The following PCDH15 variants were observed in gnomAD, a reference collection of about 807,000 sequenced individuals.
PCDH15 encodes protocadherin-15.
PCDH15 carries 129 observed loss-of-function variants against 178.5 expected under a neutral mutation model. The observed-to-expected ratio is 0.72, with a 90% CI of 0.63 to 0.84. The LOEUF is 0.84. Ranked by LOEUF, PCDH15 falls within the 40% of genes least tolerant of loss-of-function variation. PCDH15 has a pLI of 0.00. For synonymous variants in PCDH15, 800 were observed against 732.0 expected (o/e 1.09, Z -1.50); for missense variants, 2,230 against 2,099.9 (o/e 1.06, Z -1.21).
At chr10:54,091,015 G>A (rs200349841) in intron 15 of PCDH15, among the ~76,000 whole-genome samples, 62 of 152,146 alleles carry the variant, frequency 4.1e-4, no homozygotes, top group East Asian at 2.7e-3. Context: ...CACCCAAGTC[G>A]GAGAAGAAAA....
chr10:55,622,923 A>T lies in PCDH15; in HGVS notation c.-156+4702T>A, dbSNP rs1446545729. Among the ~76,000 whole-genome samples, 3 of 152,160 alleles carry T rather than the reference A, an allele frequency of 2.0e-5. No homozygotes were observed. In the East Asian group the frequency reaches 5.8e-4, roughly 29 times the overall value. ...GCTGTCTTCTAGTCTAATCCCACTC[A>T]TAAAACTGAGCAAATGGCATACCAA... On this transcript the variant is annotated intron_variant, in intron 2 of 5. Transcript: ENST00000613346.
At chr10:54,798,449 T>C (rs1245464120) in intron 1 of PCDH15, among the ~76,000 whole-genome samples, 1 of 152,120 alleles carries the variant, frequency 6.6e-6, no homozygotes, top group African/African-American at 2.4e-5. Context: ...ATGCCATCCC[T>C]GACAAGTAAA....
intron 2 of PCDH15, among the ~76,000 whole-genome samples, chr10:55,499,910 A>G (rs1840618165): frequency 6.6e-6 from 1 of 151,722 alleles, no homozygotes. Flanking sequence ...TACTTAATGC[A>G]TCGAAATAAT....
At chr10:54,577,695 C>T (rs2090630164) in intron 2 of PCDH15, among the ~76,000 whole-genome samples, 1 of 152,024 alleles carries the variant, frequency 6.6e-6, no homozygotes, top group Admixed American at 6.6e-5. Flanking sequence ...TTACAGGAGT[C>T]AGGAAACAGG....
At chr10:53,941,041 C>T in intron 23 of PCDH15, 66 bp from the exon 24 acceptor site, 1 of 1,141,580 alleles carries the variant, frequency 8.8e-7, no homozygotes, top group Non-Finnish European at 1.3e-6. Flanking sequence ...TTTACGTTCA[C>T]AGAAAAATTG....
At position 53,845,144 on chromosome 10, in the gene PCDH15, C is replaced by T. The variant is rs1001886058; in HGVS notation, c.3807-4648G>A. Among the ~76,000 whole-genome samples, 7 of 151,592 alleles carry T rather than the reference C, an allele frequency of 4.6e-5. No individual in the cohort carries two copies. In the South Asian group the frequency reaches 1.5e-3, roughly 31 times the overall value. ...TGCTCGACATCACTAATCATCAAGG[C>T]AATGAAAATCAAAATCACAATGAAA... On this transcript the variant is annotated intron_variant, in intron 28 of 37. Transcript: ENST00000644397.
At chr10:54,993,150 G>T (rs2131919579) in intron 2 of PCDH15, among the ~76,000 whole-genome samples, 1 of 152,262 alleles carries the variant, frequency 6.6e-6, no homozygotes, top group South Asian at 2.1e-4. Flanking sequence ...CGACTGAAAG[G>T]ACTTGGGGAC....
chr10:54,322,335 T>C (rs1039972923), intron 7 of PCDH15, among the ~76,000 whole-genome samples: 1 of 151,906 alleles, frequency 6.6e-6, no homozygotes, highest in Non-Finnish European at 1.5e-5. Context: ...CCCATTTTCA[T>C]CTGCATTTCT....
At chr10:54,028,343 C>T (rs1156786348) in intron 18 of PCDH15, among the ~76,000 whole-genome samples, 8 of 148,182 alleles carry the variant, frequency 5.4e-5, no homozygotes, top group Non-Finnish European at 7.5e-5. Context: ...GTTGGTGGGA[C>T]TGTAAACTAG....
At chr10:55,107,801 A>C (rs1591908877) in intron 2 of PCDH15, among the ~76,000 whole-genome samples, 1 of 150,602 alleles carries the variant, frequency 6.6e-6, no homozygotes, top group Admixed American at 6.7e-5. Context: ...CCGGCCTTAC[A>C]GTTACTGTTT....
At chr10:54,726,312 T>C (rs1942489819) in intron 1 of PCDH15, among the ~76,000 whole-genome samples, 1 of 151,614 alleles carries the variant, frequency 6.6e-6, no homozygotes, top group South Asian at 2.1e-4. Context: ...AGAGAAACTA[T>C]TTTGAAAAAG....
At chr10:54,786,481 TA>T (rs1021523402) in intron 1 of PCDH15, among the ~76,000 whole-genome samples, 2 of 152,050 alleles carry the variant, frequency 1.3e-5, no homozygotes, top group African/African-American at 4.8e-5. Flanking sequence ...GTATCCATGA[TA>T]ATGCTCTGTT....
In PCDH15 at chr10:54,153,285, T is replaced by C; in HGVS notation, c.1599A>G (p.Ala533=). The C allele has an allele frequency of 6.2e-7, 1 of 1,613,798 alleles. No individual in the cohort carries two copies. Among genetic ancestry groups the C allele is most frequent in the Non-Finnish European group, 8.5e-7 (1 of 1,179,824 alleles). ...CATTTGACCCTTCGTCTGCGTCGAC[T>C]GCAGTGAGCTGGAATTGAAAATCAC... ...RPGDSVIQLT[A]VDADEGSNGE... Residue 533 remains alanine (A), a synonymous_variant, in exon 14 of 38, where the codon GCA becomes GCG. Transcript: ENST00000644397.
chr10:54,087,110 C>T (rs2094527639), intron 16 of PCDH15, among the ~76,000 whole-genome samples: 1 of 152,156 alleles, frequency 6.6e-6, no homozygotes, highest in African/African-American at 2.4e-5. Context: ...CTTACCAGAG[C>T]AGGTGAAAAC....
At chr10:54,976,405 C>T (rs1294650034) in intron 2 of PCDH15, among the ~76,000 whole-genome samples, 1 of 152,074 alleles carries the variant, frequency 6.6e-6, no homozygotes, top group African/African-American at 2.4e-5. Flanking sequence ...TTACTCAAAT[C>T]AGTCTCCCCA....
At chr10:54,746,341 G>A (rs1239953456) in intron 1 of PCDH15, among the ~76,000 whole-genome samples, 2 of 112,922 alleles carry the variant, frequency 1.8e-5, no homozygotes, top group Non-Finnish European at 3.7e-5. Context: ...AGAGCAGGTA[G>A]TGGCGATGGT....
chr10:54,504,972 G>C (rs1393701581), intron 3 of PCDH15, among the ~76,000 whole-genome samples: 1 of 152,040 alleles, frequency 6.6e-6, no homozygotes, highest in African/African-American at 2.4e-5. Flanking sequence ...AAATAGGGGA[G>C]TTCACTTGGA....
chr10:54,496,066 T>C (rs1410723945), intron 3 of PCDH15, among the ~76,000 whole-genome samples: 2 of 152,194 alleles, frequency 1.3e-5, no homozygotes, highest in Non-Finnish European at 2.9e-5. Flanking sequence ...GGGAGGATTG[T>C]GCTTTACATA....
chr10:54,767,639 G>A (rs894341868), intron 1 of PCDH15, among the ~76,000 whole-genome samples: 9 of 152,064 alleles, frequency 5.9e-5, no homozygotes, highest in African/African-American at 2.2e-4. Context: ...AATTACATTG[G>A]TAGTATGTAC....
Sources: gnomAD v4.1 joint callset for allele counts (sites outside exome capture counted in the v4.1 genomes callset) on GRCh38, gnomAD v4.1.1 for gene constraint, MANE v1.5 for transcripts, NCBI Gene and HGNC (gene_info 2026-07-23, HGNC 2026-07-21) for gene names.